The following ADAMTSL3 variants were observed in gnomAD, a reference collection of about 807,000 sequenced individuals.
The protein encoded by ADAMTSL3 is ADAMTS like 3.
In ADAMTSL3, 128 loss-of-function variants were observed where a neutral mutation model predicts 201.7. The observed-to-expected ratio is 0.63, with a 90% CI of 0.55 to 0.73. ADAMTSL3 has a LOEUF of 0.73. Among genes scored for constraint, ADAMTSL3 ranks in the 30% least tolerant of loss-of-function variants. ADAMTSL3 has a pLI of 0.00. For missense variants in ADAMTSL3, 1,990 were observed against 2,119.6 expected (o/e 0.94, Z 1.20); for synonymous variants, 738 against 748.4 (o/e 0.99, Z 0.23).
chr15:83,981,911 C>T (rs1380724565), intron 20 of ADAMTSL3, among the ~76,000 whole-genome samples: 1 of 152,192 alleles, frequency 6.6e-6, no homozygotes, highest in Non-Finnish European at 1.5e-5. Context: ...ATTTATGGAG[C>T]CATTATATGA....
chr15:84,016,784 T>C lies in ADAMTSL3; in HGVS notation c.4273+285T>C, dbSNP rs528169326. Reference sequence around the variant, plus strand: ...AGATATTGATTTCCAGTTTCAAAACTATTGCCAATTTGGTAAATATTAATA... The same window carrying C: ...AGATATTGATTTCCAGTTTCAAAACCATTGCCAATTTGGTAAATATTAATA... On this transcript the variant is annotated intron_variant, in intron 25 of 29. Coordinates refer to ENST00000286744, the MANE Select transcript of ADAMTSL3 (RefSeq NM_207517.3). Among the ~76,000 whole-genome samples, 3 of 152,378 alleles carry C rather than the reference T, an allele frequency of 2.0e-5. No homozygotes were observed. The East Asian group carries it at 5.8e-4, about 29-fold the overall frequency.
chr15:83,745,237 C>T (rs896879521), intron 3 of ADAMTSL3, among the ~76,000 whole-genome samples: 2 of 152,188 alleles, frequency 1.3e-5, no homozygotes, highest in African/African-American at 4.8e-5. Context: ...ATGAGAGACA[C>T]TTTCGTCGGC....
chr15:83,712,238 C>G (rs1287131778), intron 3 of ADAMTSL3, among the ~76,000 whole-genome samples: 1 of 152,196 alleles, frequency 6.6e-6, no homozygotes, highest in Admixed American at 6.5e-5. Context: ...TCTGTTCTTC[C>G]TCCTGTTTTA....
In ADAMTSL3 at chr15:83,867,019, A is replaced by G. The variant is rs1014189395; in HGVS notation, c.803-3783A>G. On this transcript the variant is annotated intron_variant, in intron 8 of 29. Transcript: ENST00000286744. ...ATGAATAGAACTGGCTTCATTTACT[A>G]AGGACTTAGTTAACATTTCTGAATA... Among the ~76,000 whole-genome samples the G allele has an allele frequency of 2.6e-5, 4 of 152,198 alleles. No individual in the cohort carries two copies. In the East Asian group the frequency reaches 7.7e-4, roughly 29 times the overall value.
intron 4 of ADAMTSL3, among the ~76,000 whole-genome samples, chr15:83,784,045 G>C (rs1174299428): frequency 6.6e-6 from 1 of 152,192 alleles, no homozygotes; most frequent in Non-Finnish European, 1.5e-5. Context: ...GGAAGCTGCA[G>C]TTGAAGGCAT....
intron 6 of ADAMTSL3, among the ~76,000 whole-genome samples, chr15:83,829,522 C>T (rs1386772306): frequency 3.9e-5 from 6 of 152,110 alleles, no homozygotes; most frequent in East Asian, 1.9e-4. Context: ...ATGTCTCTAT[C>T]TCCTTCAGTT....
intron 2 of ADAMTSL3, among the ~76,000 whole-genome samples, chr15:83,698,231 A>G (rs2061714041): frequency 1.3e-5 from 2 of 152,152 alleles, no homozygotes; most frequent in Non-Finnish European, 2.9e-5. Flanking sequence ...CCCAGCTTTC[A>G]TAGTTATTCT....
At chr15:83,957,085 T>G (rs1290739338) in intron 19 of ADAMTSL3, among the ~76,000 whole-genome samples, 1 of 152,222 alleles carries the variant, frequency 6.6e-6, no homozygotes, top group African/African-American at 2.4e-5. Context: ...TAAGTCTGCC[T>G]GGGTCACTGG....
chr15:83,876,829 G>A (rs1448028797), intron 9 of ADAMTSL3, among the ~76,000 whole-genome samples: 1 of 152,100 alleles, frequency 6.6e-6, no homozygotes, highest in African/African-American at 2.4e-5. Flanking sequence ...GTCTCTCTCT[G>A]TCGCCCAGAC....
chr15:83,887,369 G>A (rs2065416628), intron 10 of ADAMTSL3, among the ~76,000 whole-genome samples: 2 of 152,154 alleles, frequency 1.3e-5, no homozygotes, highest in South Asian at 4.1e-4. Flanking sequence ...TACCGTAAGT[G>A]GAAATCTATC....
At chr15:83,851,094 A>G (rs1453590917) in intron 7 of ADAMTSL3, among the ~76,000 whole-genome samples, 2 of 152,188 alleles carry the variant, frequency 1.3e-5, no homozygotes, top group Non-Finnish European at 2.9e-5. Flanking sequence ...CTGTGTTTTA[A>G]CAAGTTTTCT....
chr15:83,790,873 A>T lies in ADAMTSL3; in HGVS notation c.318-13777A>T, dbSNP rs116233228. 2.0e-3 allele frequency among the ~76,000 whole-genome samples: 302 copies of T among 152,334 alleles called. 1 individual carries two copies. Among genetic ancestry groups the T allele is most frequent in the African/African-American group, 7.0e-3 (290 of 41,576 alleles). On this transcript the variant is annotated intron_variant, in intron 4 of 29. Coordinates refer to ENST00000286744, the MANE Select transcript of ADAMTSL3 (RefSeq NM_207517.3). The stretch of plus-strand genomic sequence containing the variant: ...TCTTACTAGTGATGAGCACATAGAT[A>T]ACAAAATTTAAAAATACAGTGCCAT...
chr15:83,764,089 G>A (rs1171716025), intron 3 of ADAMTSL3, among the ~76,000 whole-genome samples: 1 of 152,154 alleles, frequency 6.6e-6, no homozygotes, highest in Non-Finnish European at 1.5e-5. Flanking sequence ...TCCTGCATCT[G>A]GTCAGCTGCC....
At chr15:83,730,531 G>C (rs926682676) in intron 3 of ADAMTSL3, among the ~76,000 whole-genome samples, 6 of 152,056 alleles carry the variant, frequency 3.9e-5, no homozygotes, top group Non-Finnish European at 7.4e-5. Context: ...ATGGAGAATA[G>C]TGTAAAAGAA....
chr15:83,756,741 C>A (rs1348810702), intron 3 of ADAMTSL3, among the ~76,000 whole-genome samples: 2 of 152,148 alleles, frequency 1.3e-5, no homozygotes, highest in Non-Finnish European at 2.9e-5. Flanking sequence ...TCACTTCTGC[C>A]TATGAGCCTG....
intron 9 of ADAMTSL3, among the ~76,000 whole-genome samples, chr15:83,882,125 C>T (rs539013138): frequency 6.6e-6 from 1 of 152,210 alleles, no homozygotes; most frequent in Non-Finnish European, 1.5e-5. Flanking sequence ...CACTGCACTC[C>T]AGCCTGGGCG....
At chr15:83,729,622 T>C (rs1005487844) in intron 3 of ADAMTSL3, among the ~76,000 whole-genome samples, 2 of 151,942 alleles carry the variant, frequency 1.3e-5, no homozygotes, top group African/African-American at 2.4e-5. Context: ...GTCAATCTCT[T>C]TGTTAGTTTT....
At chr15:83,823,012 G>A (rs1428216958) in intron 6 of ADAMTSL3, among the ~76,000 whole-genome samples, 4 of 152,010 alleles carry the variant, frequency 2.6e-5, no homozygotes, top group Non-Finnish European at 4.4e-5. Context: ...GGCCAACACA[G>A]CGAAACCCCG....
chr15:83,892,732 G>A lies in ADAMTSL3; in HGVS notation c.1311G>A (p.Gly437=), dbSNP rs959101497. 1 of 1,613,972 alleles carries A rather than the reference G, an allele frequency of 6.2e-7. No individual in the cohort carries two copies. Among genetic ancestry groups the A allele is most frequent in the Admixed American group, 1.7e-5 (1 of 59,976 alleles). The change falls in exon 13 of 30, where the codon GGG becomes GGA. Residue 437 remains glycine (G), a synonymous_variant. Coordinates refer to ENST00000286744, the MANE Select transcript of ADAMTSL3 (RefSeq NM_207517.3). ...CATGTTCCGTGTCCTGTGGAGGAGG[G>A]ATTCAGAGACGGAGCTTTGTGTGTG... is the stretch of plus-strand genomic sequence containing the variant. ...WTACSVSCGG[G]IQRRSFVCVE...
Sources: gnomAD v4.1 joint callset for allele counts (sites outside exome capture counted in the v4.1 genomes callset) on GRCh38, gnomAD v4.1.1 for gene constraint, MANE v1.5 for transcripts, NCBI Gene and HGNC (gene_info 2026-07-23, HGNC 2026-07-21) for gene names.